LMNB1: variants seen among roughly 807,000 people sequenced by gnomAD.
LMNB1 encodes the protein lamin B1.
A neutral mutation model predicts 67.1 loss-of-function variants in LMNB1; 23 were observed. The observed-to-expected ratio is 0.34, with a 90% CI of 0.25 to 0.49. The LOEUF is 0.49. LMNB1 is among the 20% of genes least tolerant of loss of function. LMNB1 has a pLI of 0.99. For synonymous variants in LMNB1, 281 were observed against 282.9 expected, an observed-to-expected ratio of 0.99 and a Z score of 0.07; for missense variants, 634 against 746.5, an observed-to-expected ratio of 0.85 and a Z score of 1.76.
At chr5:126,790,908 C>A (rs974099753) in intron 1 of LMNB1, among the ~76,000 whole-genome samples, 2 of 151,968 alleles carry the variant, frequency 1.3e-5, no homozygotes, top group Non-Finnish European at 2.9e-5. Flanking sequence ...GTAATCCCAG[C>A]TACTCAGGAG....
intron 1 of LMNB1, among the ~76,000 whole-genome samples, chr5:126,788,238 A>G (rs939316148): frequency 2.6e-5 from 4 of 152,156 alleles, no homozygotes; most frequent in Non-Finnish European, 5.9e-5. Flanking sequence ...GCCGGACTTT[A>G]GGTAGCAATG....
chr5:126,799,757 G>A (rs943070718), intron 1 of LMNB1, among the ~76,000 whole-genome samples: 12 of 152,174 alleles, frequency 7.9e-5, no homozygotes, highest in African/African-American at 2.7e-4. Context: ...TTTCCGCACC[G>A]TCTCGAAACT....
rs1322714272 is a variant in LMNB1, at chr5:126,832,675, A to C, written c.1612-19A>C. On this transcript the variant is annotated intron_variant, in intron 9 of 10. Transcript: ENST00000261366. ...TGATTTTAAGTGTGTTTTTTAACTTAAACTACTATTGTTTTTAGGAGGTTG... is the reference window on the plus strand; with the variant it reads ...TGATTTTAAGTGTGTTTTTTAACTTCAACTACTATTGTTTTTAGGAGGTTG... 7.1e-6 allele frequency: 11 copies of C among 1,558,434 alleles called. No individual in the cohort carries two copies. The highest frequency in any genetic ancestry group is 9.7e-6 in the Non-Finnish European group (11 of 1,130,976).
intron 1 of LMNB1, among the ~76,000 whole-genome samples, chr5:126,783,868 G>T (rs1282722403): frequency 1.3e-5 from 2 of 151,858 alleles, no homozygotes; most frequent in Non-Finnish European, 2.9e-5. Context: ...TACAAATGTT[G>T]AGAATGAGCC....
intron 5 of LMNB1, among the ~76,000 whole-genome samples, chr5:126,812,897 A>G (rs1751614610): frequency 1.3e-5 from 2 of 151,500 alleles, no homozygotes; most frequent in Non-Finnish European, 2.9e-5. Context: ...CGCCCGGCTA[A>G]TTTTTGTATT....
intron 1 of LMNB1, among the ~76,000 whole-genome samples, chr5:126,795,687 A>G (rs2973584): frequency 0.68 from 103,494 of 151,912 alleles, 35,637 homozygotes; most frequent in South Asian, 0.74. Flanking sequence ...GCAATGGTGC[A>G]ATCTTGGCTC....
intron 2 of LMNB1, 76 bp from the exon 3 acceptor site, chr5:126,805,495 G>A: frequency 1.0e-6 from 1 of 963,212 alleles, no homozygotes; most frequent in Non-Finnish European, 1.6e-6. Flanking sequence ...GATTTGATTT[G>A]ATTCATAGAT....
At chr5:126,825,418 T>G (rs902068353) in intron 8 of LMNB1, among the ~76,000 whole-genome samples, 1 of 152,236 alleles carries the variant, frequency 6.6e-6, no homozygotes, top group African/African-American at 2.4e-5. Flanking sequence ...TGACATTGTC[T>G]GTTTGGAGAC....
intron 8 of LMNB1, 49 bp from the exon 9 acceptor site, chr5:126,825,939 G>A: frequency 6.2e-7 from 1 of 1,611,718 alleles, no homozygotes; most frequent in Non-Finnish European, 8.5e-7. Context: ...TCGTTGGCGT[G>A]TGGGAGAACT....
chr5:126,795,555 A>G (rs1037756404), intron 1 of LMNB1, among the ~76,000 whole-genome samples: 31 of 152,176 alleles, frequency 2.0e-4, no homozygotes, highest in Non-Finnish European at 4.4e-4. Flanking sequence ...TAGTAATGAT[A>G]TATTTCTCTA....
At chr5:126,801,822 C>T (rs963778725) in intron 1 of LMNB1, among the ~76,000 whole-genome samples, 3 of 152,206 alleles carry the variant, frequency 2.0e-5, no homozygotes, top group Admixed American at 6.5e-5. Flanking sequence ...CACATTATGA[C>T]CTGAGCTTTA....
intron 1 of LMNB1, among the ~76,000 whole-genome samples, chr5:126,801,773 C>CATT (rs1453387444): frequency 6.6e-6 from 1 of 152,204 alleles, no homozygotes; most frequent in Non-Finnish European, 1.5e-5. Context: ...AGGCACAGGT[C>CATT]ATTCTCCTGC....
chr5:126,834,209 T>C (rs1561757076), intron 10 of LMNB1, among the ~76,000 whole-genome samples: 1 of 151,632 alleles, frequency 6.6e-6, no homozygotes. Flanking sequence ...TTCTTTCTTT[T>C]TTCTTTTTTT....
At chr5:126,800,538 G>A (rs1047750152) in intron 1 of LMNB1, among the ~76,000 whole-genome samples, 23 of 151,696 alleles carry the variant, frequency 1.5e-4, no homozygotes, top group African/African-American at 5.3e-4. Flanking sequence ...GCCATGCCAA[G>A]GAGCTTGCAT....
intron 1 of LMNB1, among the ~76,000 whole-genome samples, chr5:126,801,419 TACTC>T (rs1561742729): frequency 6.6e-6 from 1 of 152,124 alleles, no homozygotes; most frequent in Non-Finnish European, 1.5e-5. Flanking sequence ...CACAAGTAAA[TACTC>T]TCTTCATCCC....
chr5:126,817,935 T>G (rs1043005480), intron 5 of LMNB1, among the ~76,000 whole-genome samples: 30 of 152,188 alleles, frequency 2.0e-4, no homozygotes, highest in African/African-American at 4.1e-4. Flanking sequence ...GAAGAATAAT[T>G]ACCCAGCGAG....
intron 1 of LMNB1, among the ~76,000 whole-genome samples, chr5:126,796,305 T>A (rs1444071173): frequency 1.3e-5 from 2 of 152,074 alleles, no homozygotes; most frequent in Admixed American, 1.3e-4. Flanking sequence ...ACTTTCTGAC[T>A]GGTAGGACTA....
At chr5:126,813,318 C>G (rs1751624093) in intron 5 of LMNB1, among the ~76,000 whole-genome samples, 2 of 152,190 alleles carry the variant, frequency 1.3e-5, no homozygotes, top group African/African-American at 2.4e-5. Flanking sequence ...CTGGAAGCAC[C>G]TCTGAGTTCA....
At chr5:126,803,528 A>G (rs1054577926) in intron 1 of LMNB1, among the ~76,000 whole-genome samples, 15 of 151,230 alleles carry the variant, frequency 9.9e-5, no homozygotes, top group South Asian at 4.2e-4. Flanking sequence ...GATTACAGGC[A>G]TGAGCCACCA....
Sources: allele counts gnomAD v4.1 joint callset (sites outside exome capture counted in the v4.1 genomes callset), GRCh38; gene constraint gnomAD v4.1.1; transcripts MANE v1.5; gene names NCBI Gene and HGNC (gene_info 2026-07-23, HGNC 2026-07-21).